The following GALNTL6 variants were observed in gnomAD, a reference collection of about 807,000 sequenced individuals.
GALNTL6 encodes polypeptide N-acetylgalactosaminyltransferase-like 6.
A neutral mutation model predicts 73.7 loss-of-function variants in GALNTL6; 46 were observed. The observed-to-expected ratio is 0.62, with a 90% confidence interval of 0.49 to 0.80. GALNTL6 has a LOEUF of 0.80. Ranked by LOEUF, GALNTL6 falls within the 30% of genes least tolerant of loss-of-function variation. The pLI, the probability that GALNTL6 is intolerant of heterozygous loss-of-function variation, is 0.00. For missense variants in GALNTL6, 604 were observed against 755.0 expected (o/e 0.80, Z 2.34); for synonymous variants, 259 against 263.7 (o/e 0.98, Z 0.17).
intron 3 of GALNTL6, among the ~76,000 whole-genome samples, chr4:172,289,560 T>C (rs1053260730): frequency 6.6e-6 from 1 of 152,218 alleles, no homozygotes; most frequent in African/African-American, 2.4e-5. Context: ...ATTACAGAAC[T>C]GAGATCTTTT....
At chr4:172,311,078 G>A (rs1740340902) in intron 3 of GALNTL6, among the ~76,000 whole-genome samples, 1 of 152,130 alleles carries the variant, frequency 6.6e-6, no homozygotes, top group African/African-American at 2.4e-5. Context: ...TGTGTCTCAG[G>A]ATGTGTCAAA....
intron 4 of GALNTL6, among the ~76,000 whole-genome samples, chr4:172,329,319 C>T (rs1741046718): frequency 6.6e-6 from 1 of 152,132 alleles, no homozygotes; most frequent in Admixed American, 6.5e-5. Flanking sequence ...AGACCTAGGC[C>T]AGGAGGACCC....
At chr4:171,983,800 C>T (rs1739986233) in intron 2 of GALNTL6, among the ~76,000 whole-genome samples, 1 of 152,126 alleles carries the variant, frequency 6.6e-6, no homozygotes, top group Non-Finnish European at 1.5e-5. Flanking sequence ...GCTGCCTTTG[C>T]TTCAACCCCT....
intron 5 of GALNTL6, among the ~76,000 whole-genome samples, chr4:172,397,943 CT>C (rs912213926): frequency 1.3e-5 from 2 of 151,448 alleles, no homozygotes; most frequent in Non-Finnish European, 1.5e-5. Context: ...AAAAGTCTTT[CT>C]TTTTTTTTAC....
chr4:172,172,823 C>T (rs369712212), intron 2 of GALNTL6, among the ~76,000 whole-genome samples: 1 of 152,190 alleles, frequency 6.6e-6, no homozygotes, highest in Non-Finnish European at 1.5e-5. Context: ...TACCCATTTA[C>T]AGATCCTCCT....
At chr4:172,461,383 C>T (rs1464865622) in intron 5 of GALNTL6, among the ~76,000 whole-genome samples, 1 of 151,792 alleles carries the variant, frequency 6.6e-6, no homozygotes, top group African/African-American at 2.4e-5. Flanking sequence ...GATTTTTTTT[C>T]TCATAAGGGA....
chr4:173,028,532 T>C (rs1053509362), intron 12 of GALNTL6, among the ~76,000 whole-genome samples: 6 of 152,320 alleles, frequency 3.9e-5, no homozygotes, highest in African/African-American at 1.4e-4. Flanking sequence ...CTGTATATTA[T>C]ACATACTTAG....
At chr4:171,880,030 G>A (rs888439680) in intron 2 of GALNTL6, among the ~76,000 whole-genome samples, 8 of 152,160 alleles carry the variant, frequency 5.3e-5, no homozygotes, top group Non-Finnish European at 1.2e-4. Flanking sequence ...AGAGCTTACT[G>A]TTATAGAAAG....
At chr4:172,371,853 C>T (rs1191317156) in intron 5 of GALNTL6, among the ~76,000 whole-genome samples, 2 of 152,190 alleles carry the variant, frequency 1.3e-5, no homozygotes, top group Admixed American at 1.3e-4. Context: ...ACTGCCACCA[C>T]CTTGGGTTTT....
chr4:172,672,489 A>G (rs1158827456), intron 5 of GALNTL6, among the ~76,000 whole-genome samples: 2 of 152,148 alleles, frequency 1.3e-5, no homozygotes, highest in Non-Finnish European at 2.9e-5. Context: ...TTGTTGTTGT[A>G]TCATGGCCAA....
At chr4:172,661,101 G>A (rs1338547213) in intron 5 of GALNTL6, among the ~76,000 whole-genome samples, 1 of 152,176 alleles carries the variant, frequency 6.6e-6, no homozygotes, top group East Asian at 1.9e-4. Context: ...TTCTGTGGTG[G>A]GGTTTTTTAG....
intron 3 of GALNTL6, among the ~76,000 whole-genome samples, chr4:172,296,992 G>A (rs1404542459): frequency 6.6e-6 from 1 of 152,160 alleles, no homozygotes; most frequent in African/African-American, 2.4e-5. Context: ...GCGTAAAAGT[G>A]TTCCTGTTTC....
chr4:171,848,976 C>T (rs1735449135), intron 2 of GALNTL6, among the ~76,000 whole-genome samples: 1 of 151,740 alleles, frequency 6.6e-6, no homozygotes, highest in Admixed American at 6.6e-5. Context: ...AGTTTTTTTA[C>T]ATGGACATAT....
chr4:172,869,931 A>G (rs1744837526), intron 7 of GALNTL6, among the ~76,000 whole-genome samples: 1 of 152,022 alleles, frequency 6.6e-6, no homozygotes, highest in African/African-American at 2.4e-5. Flanking sequence ...GACATAGCCC[A>G]CTCATGACAC....
chr4:172,069,585 A>ATATATATAACACATATGT (rs1560909729), intron 2 of GALNTL6, among the ~76,000 whole-genome samples: 2 of 23,438 alleles, frequency 8.5e-5, no homozygotes, highest in South Asian at 4.2e-3. Context: ...GTTATATATT[A>ATATATATAACACATATGT]TATATATAAC....
chr4:172,571,263 A>G (rs2110949505), intron 5 of GALNTL6, among the ~76,000 whole-genome samples: 1 of 152,336 alleles, frequency 6.6e-6, no homozygotes, highest in Middle Eastern at 3.4e-3. Flanking sequence ...AGGCTATTTT[A>G]TTAGAACATT....
At chr4:172,448,791 A>G (rs1229620206) in intron 5 of GALNTL6, among the ~76,000 whole-genome samples, 1 of 152,158 alleles carries the variant, frequency 6.6e-6, no homozygotes, top group African/African-American at 2.4e-5. Context: ...CCCTTCTGGA[A>G]CCTGCTTAAA....
At chr4:172,042,733 T>G (rs1742116472) in intron 2 of GALNTL6, among the ~76,000 whole-genome samples, 1 of 151,722 alleles carries the variant, frequency 6.6e-6, no homozygotes, top group African/African-American at 2.4e-5. Flanking sequence ...CTCATCTCTC[T>G]CTTTCTTTCT....
intron 5 of GALNTL6, among the ~76,000 whole-genome samples, chr4:172,465,739 T>C (rs1732789178): frequency 6.6e-6 from 1 of 152,194 alleles, no homozygotes; most frequent in African/African-American, 2.4e-5. Flanking sequence ...AAATGTTCTG[T>C]CCTGAGTTTG....
Sources: allele counts gnomAD v4.1 joint callset (sites outside exome capture counted in the v4.1 genomes callset), GRCh38; gene constraint gnomAD v4.1.1; transcripts MANE v1.5; gene names NCBI Gene and HGNC (gene_info 2026-07-23, HGNC 2026-07-21).